Variants in LIMK1 observed in about 807,000 individuals in gnomAD.
LIMK1 encodes LIM domain kinase 1, also known as LIM motif-containing protein kinase.
In LIMK1, 21 loss-of-function variants were observed where a neutral mutation model predicts 77.6. The observed-to-expected ratio is 0.27, with a 90% CI of 0.19 to 0.39. The LOEUF (loss-of-function observed/expected upper bound fraction) is 0.39. Among genes scored for constraint, LIMK1 ranks in the 10% least tolerant of loss-of-function variants. LIMK1 has a pLI of 1.00. For missense variants in LIMK1, 696 were observed against 901.6 expected (o/e 0.77, Z 2.92); for synonymous variants, 358 against 370.0 (o/e 0.97, Z 0.37).
chr7:74,094,857 C>A (rs868936614), intron 2 of LIMK1, among the ~76,000 whole-genome samples: 1 of 151,926 alleles, frequency 6.6e-6, no homozygotes, highest in Non-Finnish European at 1.5e-5. Context: ...GCCCAGCCTC[C>A]GCATTCCCCA....
chr7:74,107,379 C>T (rs1554697827), intron 8 of LIMK1, among the ~76,000 whole-genome samples, 186 bp downstream of exon 8: 2 of 152,118 alleles, frequency 1.3e-5, no homozygotes, highest in Admixed American at 6.6e-5. Context: ...TAGACTGAGA[C>T]CTTATGTGCG....
intron 4 of LIMK1, 31 bp from the exon 5 acceptor site, chr7:74,098,999 ACT>A (rs1799396195): frequency 6.4e-7 from 1 of 1,564,600 alleles, no homozygotes; most frequent in Non-Finnish European, 8.7e-7. Context: ...CGCCCTTGAC[ACT>A]CTTTTCTTCC....
chr7:74,111,884 G>A (rs782709746), intron 11 of LIMK1, 49 bp from the exon 12 acceptor site: 11 of 1,544,150 alleles, frequency 7.1e-6, no homozygotes, highest in Non-Finnish European at 8.9e-6. Flanking sequence ...AGGATGGGCT[G>A]GGGTCCCTCT....
chr7:74,088,443 G>A (rs1307380678), intron 2 of LIMK1, among the ~76,000 whole-genome samples: 1 of 152,140 alleles, frequency 6.6e-6, no homozygotes, highest in African/African-American at 2.4e-5. Flanking sequence ...AATAAGCTGA[G>A]GGATCCAACA....
chr7:74,100,668 C>T (rs1799439262), intron 5 of LIMK1, among the ~76,000 whole-genome samples: 1 of 152,048 alleles, frequency 6.6e-6, no homozygotes, highest in African/African-American at 2.4e-5. Flanking sequence ...CCTCCCTTCT[C>T]GGCCTCCCAA....
At chr7:74,118,996 C>T (rs540642296) in intron 13 of LIMK1, among the ~76,000 whole-genome samples, 1 of 151,128 alleles carries the variant, frequency 6.6e-6, no homozygotes, top group African/African-American at 2.4e-5. Context: ...CCCGGGTTCA[C>T]ACCATTCTCC....
rs1266560668 is a variant in LIMK1 at position 74,108,945 on chromosome 7, A to G, written c.1193A>G (p.Lys398Arg). 1.9e-6 allele frequency: 3 copies of G among 1,613,974 alleles called. No individual in the cohort carries two copies. Among genetic ancestry groups the G allele is most frequent in the Non-Finnish European group, 2.5e-6 (3 of 1,180,006 alleles). The change falls in exon 10 of 16, where the codon AAG (lysine) becomes AGG (arginine). Residue 398 changes from lysine (K) to arginine (R), a missense_variant. Lys to Arg is a conservative substitution (Grantham distance 26, BLOSUM62 2). This residue lies in a region of LIMK1 where 438 missense variants were observed against 602.3 expected (regional missense o/e 0.73). Coordinates refer to ENST00000336180, the MANE Select transcript of LIMK1 (RefSeq NM_002314.4). Reference sequence around the variant, plus strand: ...TGCCTGGAACACCCCAACGTGCTCAAGTTCATCGGGGTGCTCTACAAGGAC... The same window carrying G: ...TGCCTGGAACACCCCAACGTGCTCAGGTTCATCGGGGTGCTCTACAAGGAC... Reference protein sequence around the residue: ...MRCLEHPNVLKFIGVLYKDKR... With the variant: ...MRCLEHPNVLRFIGVLYKDKR...
At chr7:74,115,752 C>A (rs868951280) in intron 12 of LIMK1, 50 bp from the exon 13 acceptor site, 3 of 1,588,582 alleles carry the variant, frequency 1.9e-6, no homozygotes, top group Non-Finnish European at 2.6e-6. Context: ...GCAGGCCAAG[C>A]GGGCAGTACT....
chr7:74,121,268 C>T lies in LIMK1; in HGVS notation c.1911C>T (p.Ser637=), dbSNP rs781901137. 8 of 1,609,722 alleles carry T rather than the reference C, an allele frequency of 5.0e-6. No individual in the cohort carries two copies. Among genetic ancestry groups the T allele is most frequent in the South Asian group, 2.2e-5 (2 of 90,716 alleles). The change falls in exon 16 of 16, where the codon AGC becomes AGT. Residue 637 remains serine (S), a synonymous_variant. Transcript: ENST00000336180. ...GFWETYRRGE[S]GLPAHPEVPD ...GGGAGACCTACCGGCGCGGCGAGAG[C>T]GGACTGCCTGCCCACCCTGAGGTCC...
intron 2 of LIMK1, among the ~76,000 whole-genome samples, chr7:74,091,720 T>C (rs1799240465): frequency 6.6e-6 from 1 of 151,958 alleles, no homozygotes; most frequent in Non-Finnish European, 1.5e-5. Flanking sequence ...TGAACAAATG[T>C]AGTGTCAGGT....
In LIMK1 at chr7:74,121,823, A is replaced by G. The variant is rs1563927715; in HGVS notation, c.*522A>G. The G allele has an allele frequency of 6.5e-6, 1 of 154,052 alleles. No individual in the cohort carries two copies. The highest frequency in any genetic ancestry group is 2.4e-5 in the African/African-American group (1 of 41,532). The allele number at this position is 154,052 out of a possible 1,614,324, so 9.5% of individuals were successfully genotyped here. On this transcript the variant is annotated 3_prime_UTR_variant, in exon 16 of 16. Coordinates refer to ENST00000336180, the MANE Select transcript of LIMK1 (RefSeq NM_002314.4). The stretch of plus-strand genomic sequence containing the variant: ...CCCGTTTTCCCCCCAGGGGGTGTCT[A>G]GGTAGCAACAGGTATCGAGGACTCT...
Position 74,121,058 on chromosome 7 carries a change from G to A in LIMK1, c.1781+9G>A, listed in dbSNP as rs782198164. ...CTGGACCCCGAGAAGAGGTGAGTGG[G>A]GTGGGGCCCTGGCCTGGGAGACGGT... is the stretch of plus-strand genomic sequence containing the variant. On this transcript the variant is annotated intron_variant, in intron 15 of 15. Coordinates refer to ENST00000336180, the MANE Select transcript of LIMK1 (RefSeq NM_002314.4). 2 of 1,594,688 alleles carry A rather than the reference G, an allele frequency of 1.3e-6. No individual in the cohort carries two copies. The highest frequency in any genetic ancestry group is 2.2e-5 in the East Asian group (1 of 44,616).
At chr7:74,117,834 A>T (rs1799846514) in intron 13 of LIMK1, among the ~76,000 whole-genome samples, 1 of 152,126 alleles carries the variant, frequency 6.6e-6, no homozygotes, top group Non-Finnish European at 1.5e-5. Flanking sequence ...TAGGCCAGGC[A>T]CAGTGGCTCA....
chr7:74,086,052 T>C (rs1799132604), intron 2 of LIMK1, among the ~76,000 whole-genome samples: 2 of 152,260 alleles, frequency 1.3e-5, no homozygotes, highest in South Asian at 4.1e-4. Flanking sequence ...TTATCTATTT[T>C]TTTTTCTTTT....
chr7:74,111,414 G>A, intron 10 of LIMK1: 2 of 531,756 alleles, frequency 3.8e-6, no homozygotes, highest in Non-Finnish European at 6.8e-6. Flanking sequence ...CTCCACCCTG[G>A]GTGACAGAGT....
In LIMK1 at chr7:74,115,672, G is replaced by C. The variant is rs1799791896; in HGVS notation, c.1411-130G>C. The C allele has an allele frequency of 3.0e-6, 3 of 1,014,856 alleles. No homozygotes were observed. In the South Asian group the frequency reaches 4.8e-5, roughly 16 times the overall value. 62.9% of individuals were successfully genotyped at this position (1,014,856 alleles called of 1,614,324 possible). On this transcript the variant is annotated intron_variant, in intron 12 of 15. Coordinates refer to ENST00000336180, the MANE Select transcript of LIMK1 (RefSeq NM_002314.4). ...TGGGGAAGGAAGGGGTCCCCACCCT[G>C]TGCCAATACAGCGTATCAGAGGTAT...
intron 10 of LIMK1, 42 bp from the exon 11 acceptor site, chr7:74,111,606 G>T (rs782641633): frequency 6.3e-7 from 1 of 1,575,184 alleles, no homozygotes; most frequent in Non-Finnish European, 8.7e-7. Flanking sequence ...TGCCATCGGG[G>T]CCCCCACCGG....
intron 2 of LIMK1, among the ~76,000 whole-genome samples, chr7:74,090,382 A>AT (rs1472118666): frequency 6.6e-6 from 1 of 150,990 alleles, no homozygotes; most frequent in Non-Finnish European, 1.5e-5. Flanking sequence ...CTCGAAAAAA[A>AT]AAAGTCTCAA....
intron 2 of LIMK1, among the ~76,000 whole-genome samples, chr7:74,096,370 G>GGTACAGGCA (rs1799336796): frequency 6.6e-6 from 1 of 151,986 alleles, no homozygotes; most frequent in Non-Finnish European, 1.5e-5. Context: ...GCATGGTGGT[G>GGTACAGGCA]TGTGCCTGTA....
Sources: allele counts gnomAD v4.1 joint callset (sites outside exome capture counted in the v4.1 genomes callset), GRCh38; gene constraint gnomAD v4.1.1; regional missense constraint gnomAD v4.1.1; transcripts MANE v1.5; gene names NCBI Gene and HGNC (gene_info 2026-07-23, HGNC 2026-07-21).